The following ESRRG variants were observed in gnomAD, a reference collection of about 807,000 sequenced individuals.
ESRRG encodes estrogen-related receptor gamma.
ESRRG carries 13 observed loss-of-function variants against 44.0 expected under a neutral mutation model. The observed-to-expected ratio is 0.30, with a 90% CI of 0.19 to 0.47. The LOEUF is 0.47. ESRRG is among the 20% of genes least tolerant of loss of function. ESRRG has a pLI of 1.00. For missense variants in ESRRG, 395 were observed against 580.6 expected (o/e 0.68, Z 3.29); for synonymous variants, 215 against 214.6 (o/e 1.00, Z -0.02).
intron 1 of ESRRG, among the ~76,000 whole-genome samples, chr1:217,031,587 G>T (rs2151024607): frequency 6.6e-6 from 1 of 152,274 alleles, no homozygotes; most frequent in East Asian, 1.9e-4. Context: ...AGCATATTTT[G>T]GGGGGACACA....
intron 2 of ESRRG, among the ~76,000 whole-genome samples, chr1:216,745,182 C>T (rs1407162153): frequency 6.6e-6 from 1 of 151,702 alleles, no homozygotes; most frequent in Non-Finnish European, 1.5e-5. Context: ...GTTTTTAAGT[C>T]GAGTCTCACT....
intron 2 of ESRRG, among the ~76,000 whole-genome samples, chr1:216,802,627 C>T (rs1470593488): frequency 1.3e-5 from 2 of 152,056 alleles, no homozygotes; most frequent in African/African-American, 4.8e-5. Flanking sequence ...GAGCATGGGG[C>T]CCTGTGTGAC....
At chr1:216,753,320 A>G (rs182579462) in intron 2 of ESRRG, among the ~76,000 whole-genome samples, 2 of 152,198 alleles carry the variant, frequency 1.3e-5, no homozygotes, top group African/African-American at 4.8e-5. Flanking sequence ...ATGACAATTC[A>G]ATTGGATGCT....
intron 1 of ESRRG, among the ~76,000 whole-genome samples, chr1:216,990,674 A>G (rs1437058358): frequency 1.3e-5 from 2 of 151,840 alleles, no homozygotes; most frequent in Admixed American, 1.3e-4. Context: ...TAGTAAATAT[A>G]TTTTCTCTTC....
intron 1 of ESRRG, among the ~76,000 whole-genome samples, chr1:217,030,560 T>A (rs554444763): frequency 1.3e-5 from 2 of 152,360 alleles, no homozygotes; most frequent in African/African-American, 4.8e-5. Flanking sequence ...CCCAGCTTCC[T>A]CATTTACAAA....
chr1:216,876,583 T>C (rs2096357989), intron 2 of ESRRG, among the ~76,000 whole-genome samples: 1 of 151,740 alleles, frequency 6.6e-6, no homozygotes, highest in South Asian at 2.1e-4. Context: ...CAAATGATAA[T>C]ATCATTTTTG....
At chr1:216,884,428 T>C (rs975469767) in intron 2 of ESRRG, among the ~76,000 whole-genome samples, 3 of 152,328 alleles carry the variant, frequency 2.0e-5, no homozygotes, top group African/African-American at 4.8e-5. Context: ...ACTGATAACA[T>C]TATCTTTGTT....
chr1:216,873,729 C>T (rs2096294075), intron 2 of ESRRG, among the ~76,000 whole-genome samples: 1 of 151,074 alleles, frequency 6.6e-6, no homozygotes, highest in Admixed American at 6.6e-5. Context: ...TGTGCTCCAC[C>T]CTCTTGGGAC....
chr1:216,733,161 A>G (rs903209686), intron 2 of ESRRG, among the ~76,000 whole-genome samples: 1 of 152,132 alleles, frequency 6.6e-6, no homozygotes, highest in Non-Finnish European at 1.5e-5. Flanking sequence ...ATCAACCCAT[A>G]CAACATAACA....
chr1:216,723,428 T>G lies in ESRRG; in HGVS notation c.-129A>C, dbSNP rs1052770707. 1 of 788,164 alleles carries G rather than the reference T, an allele frequency of 1.3e-6. No individual in the cohort carries two copies. Among genetic ancestry groups the G allele is most frequent in the African/African-American group, 1.7e-5 (1 of 57,944 alleles). 48.8% of individuals were successfully genotyped at this position (788,164 alleles called of 1,614,324 possible). A position where few individuals can be genotyped will look rare whatever the true frequency, so the allele number is the denominator to read the frequency against. ...AGGCACAGCCAGTTGGGACCAAAGC[T>G]CTCACACTCTCCTAATCAAGGACTT... On this transcript the variant is annotated 5_prime_UTR_variant, in exon 1 of 7. Transcript: ENST00000408911.
rs75125787 is a variant in ESRRG, at chr1:217,063,746, G to A, written c.-106+25761C>T. 7.1e-3 allele frequency among the ~76,000 whole-genome samples: 1,086 copies of A among 152,282 alleles called. 52 individuals carry two copies. The East Asian group carries it at 0.11, about 16-fold the overall frequency. ...GGAATACATCAGAATCATAAGAGGT[G>A]TTTCTAAGTATACCAGTTACTGGAT... On this transcript the variant is annotated intron_variant, in intron 1 of 7. Transcript: ENST00000359162.
rs1352695982 is a variant in ESRRG, at chr1:216,559,451, A to AT, written c.862+4767dup. On this transcript the variant is annotated intron_variant, in intron 5 of 6. Transcript: ENST00000408911. ...CAGTTAAGAGTTTTGTGCTATGCAC[A>AT]TTTTTAGTCAACAAATCAATAAACA... Among the ~76,000 whole-genome samples the AT allele has an allele frequency of 1.3e-4, 20 of 152,336 alleles. 1 individual carries two copies. In the South Asian group the frequency reaches 2.9e-3, roughly 22 times the overall value.
At chr1:216,731,914 A>T (rs1158288065) in intron 2 of ESRRG, among the ~76,000 whole-genome samples, 1 of 152,198 alleles carries the variant, frequency 6.6e-6, no homozygotes, top group East Asian at 1.9e-4. Flanking sequence ...AATAAATCAA[A>T]GACCATTTTC....
intron 2 of ESRRG, among the ~76,000 whole-genome samples, chr1:216,798,959 AC>A (rs1465694093): frequency 6.6e-6 from 1 of 152,172 alleles, no homozygotes; most frequent in African/African-American, 2.4e-5. Context: ...ACAGATTTAG[AC>A]CTAAATCAGC....
intron 2 of ESRRG, among the ~76,000 whole-genome samples, chr1:216,800,713 C>T (rs931745692): frequency 1.3e-5 from 2 of 152,092 alleles, no homozygotes; most frequent in Non-Finnish European, 2.9e-5. Context: ...AAATTTAGTA[C>T]TCCATTTCAC....
chr1:216,616,671 C>T (rs2061466380), intron 3 of ESRRG, among the ~76,000 whole-genome samples: 1 of 150,888 alleles, frequency 6.6e-6, no homozygotes. Context: ...TTTTATAGGC[C>T]GCCACAAACC....
At chr1:217,012,504 A>C (rs2078771636) in intron 1 of ESRRG, among the ~76,000 whole-genome samples, 1 of 152,184 alleles carries the variant, frequency 6.6e-6, no homozygotes, top group Admixed American at 6.6e-5. Context: ...AGTATTAGAA[A>C]ACCCTTGTTT....
chr1:217,010,949 T>C lies in ESRRG; in HGVS notation c.-105-71276A>G, dbSNP rs188690433. On this transcript the variant is annotated intron_variant, in intron 1 of 7. Coordinates refer to the ESRRG transcript ENST00000359162. Reference sequence around the variant, plus strand: ...GAGACAGATTAGATCTTAAAATGCCTTTCATCTCTGGTAGACAGGTTGCAG... The same window carrying C: ...GAGACAGATTAGATCTTAAAATGCCCTTCATCTCTGGTAGACAGGTTGCAG... Among the ~76,000 whole-genome samples, 3 of 152,298 alleles carry C rather than the reference T, an allele frequency of 2.0e-5. No individual in the cohort carries two copies. The East Asian group carries it at 5.8e-4, about 29-fold the overall frequency.
chr1:216,521,370 AG>A (rs1218063446), intron 5 of ESRRG, among the ~76,000 whole-genome samples: 1 of 152,106 alleles, frequency 6.6e-6, no homozygotes. Context: ...TTCCCCTCCA[AG>A]GAAAAAAGGT....
Sources: allele counts gnomAD v4.1 joint callset (sites outside exome capture counted in the v4.1 genomes callset), GRCh38; gene constraint gnomAD v4.1.1; transcripts MANE v1.5; gene names NCBI Gene and HGNC (gene_info 2026-07-23, HGNC 2026-07-21).